The following RIMS2 variants were observed in gnomAD, a reference collection of about 807,000 sequenced individuals.
RIMS2 encodes regulating synaptic membrane exocytosis 2, also known as regulating synaptic membrane exocytosis protein 2.
RIMS2 carries 59 observed loss-of-function variants against 174.4 expected under a neutral mutation model. That is an observed-to-expected ratio of 0.34 (90% CI 0.27 to 0.42). RIMS2 has a LOEUF of 0.42. Among genes scored for constraint, RIMS2 ranks in the 10% least tolerant of loss-of-function variants. RIMS2 has a pLI of 1.00. For missense variants in RIMS2, 1,620 were observed against 1,666.3 expected (o/e 0.97, Z 0.48); for synonymous variants, 606 against 572.5 (o/e 1.06, Z -0.84).
intron 3 of RIMS2, among the ~76,000 whole-genome samples, chr8:103,851,597 A>G (rs1259305828): frequency 1.3e-5 from 2 of 151,294 alleles, no homozygotes; most frequent in African/African-American, 2.4e-5. Context: ...CTGCAGACCA[A>G]TTGTGTATGT....
At chr8:103,829,284 CTGT>C (rs2098811174) in intron 3 of RIMS2, among the ~76,000 whole-genome samples, 2 of 152,124 alleles carry the variant, frequency 1.3e-5, no homozygotes, top group Non-Finnish European at 2.9e-5. Flanking sequence ...TGTTTATACA[CTGT>C]TGTTGGGAAC....
chr8:104,208,613 A>G (rs974137098), intron 19 of RIMS2, among the ~76,000 whole-genome samples: 2 of 152,168 alleles, frequency 1.3e-5, no homozygotes, highest in Non-Finnish European at 2.9e-5. Context: ...TGTAAAGGGT[A>G]TCAGTATGAC....
At chr8:104,028,112 T>TTAGAGA (rs2096295562) in intron 19 of RIMS2, among the ~76,000 whole-genome samples, 1 of 151,004 alleles carries the variant, frequency 6.6e-6, no homozygotes, top group Admixed American at 6.6e-5. Flanking sequence ...AAAAGTTTTT[T>TTAGAGA]TAGAGATAGA....
intron 1 of RIMS2, among the ~76,000 whole-genome samples, chr8:103,670,468 C>T (rs183550182): frequency 1.1e-4 from 16 of 152,304 alleles, no homozygotes; most frequent in East Asian, 1.9e-4. Flanking sequence ...TCTTTTCAGT[C>T]GCATTGTCAG....
intron 3 of RIMS2, chr8:103,880,384 G>T: frequency 3.6e-6 from 1 of 275,822 alleles, no homozygotes; most frequent in Non-Finnish European, 6.7e-6. Context: ...ACTTGACCTG[G>T]AGCTATATAC....
chr8:104,202,667 A>C (rs1230140116), intron 19 of RIMS2, among the ~76,000 whole-genome samples: 1 of 152,184 alleles, frequency 6.6e-6, no homozygotes, highest in African/African-American at 2.4e-5. Flanking sequence ...GTTCCAGTCC[A>C]TCTCTGCTGT....
chr8:103,835,828 A>G (rs993206552), intron 3 of RIMS2, among the ~76,000 whole-genome samples: 2 of 152,226 alleles, frequency 1.3e-5, no homozygotes, highest in Admixed American at 1.3e-4. Context: ...TAATCACTGT[A>G]TTATCAGAGT....
chr8:103,917,996 G>C (rs2076935258), intron 8 of RIMS2, among the ~76,000 whole-genome samples: 1 of 152,026 alleles, frequency 6.6e-6, no homozygotes, highest in South Asian at 2.1e-4. Context: ...AAAATAAAAT[G>C]AGTTTTAATC....
chr8:103,766,378 A>G lies in RIMS2; in HGVS notation c.539A>G (p.Lys180Arg), dbSNP rs1158457540. The G allele has an allele frequency of 3.7e-6, 6 of 1,613,952 alleles. No individual in the cohort carries two copies. Among genetic ancestry groups the G allele is most frequent in the Non-Finnish European group, 4.2e-6 (5 of 1,179,878 alleles). Reference sequence around the variant, plus strand: ...AATGAGGAGGCACCTCAGGAGAAGAAACCAAAACTACATGAGCAGACCCAG... The same window carrying G: ...AATGAGGAGGCACCTCAGGAGAAGAGACCAAAACTACATGAGCAGACCCAG... Residue 180 changes from lysine to arginine, a missense_variant, in exon 3 of 24, where the codon AAA becomes AGA. Coordinates refer to ENST00000504942, the Ensembl canonical transcript of RIMS2.
At chr8:104,115,764 G>A (rs2098269167) in intron 19 of RIMS2, among the ~76,000 whole-genome samples, 1 of 152,158 alleles carries the variant, frequency 6.6e-6, no homozygotes, top group Non-Finnish European at 1.5e-5. Flanking sequence ...TGTTGGGAAT[G>A]GTGGTGAGCT....
At chr8:104,016,022 A>G (rs2095892782) in intron 19 of RIMS2, among the ~76,000 whole-genome samples, 1 of 152,082 alleles carries the variant, frequency 6.6e-6, no homozygotes, top group African/African-American at 2.4e-5. Context: ...ATCAAACACT[A>G]CATTATGACT....
intron 1 of RIMS2, among the ~76,000 whole-genome samples, chr8:103,603,257 T>C (rs1474205354): frequency 6.6e-6 from 1 of 151,364 alleles, no homozygotes; most frequent in Non-Finnish European, 1.5e-5. Flanking sequence ...GTTTGGTTTT[T>C]TGTTCTTGCG....
chr8:104,249,533 A>G lies in RIMS2; in HGVS notation c.3636A>G (p.Val1212=), dbSNP rs750285180. The G allele has an allele frequency of 1.9e-5, 30 of 1,612,792 alleles. No individual in the cohort carries two copies. The South Asian group carries it at 2.7e-4, about 15-fold the overall frequency. Residue 1212 remains valine (V), a synonymous_variant, in exon 22 of 24, where the codon GTA becomes GTG. Transcript: ENST00000504942. ...TGGACAAAAAGGGACAGCTGGAGGT[A>G]GAAATCATCCGGGCCCGTGGCCTTG...
chr8:103,637,062 TG>T (rs569969852), intron 1 of RIMS2, among the ~76,000 whole-genome samples: 16 of 152,288 alleles, frequency 1.1e-4, no homozygotes, highest in African/African-American at 3.8e-4. Flanking sequence ...AAAGGGCTAG[TG>T]GTGGGTCATT....
At chr8:103,664,918 C>T (rs1292643892) in intron 1 of RIMS2, among the ~76,000 whole-genome samples, 1 of 152,174 alleles carries the variant, frequency 6.6e-6, no homozygotes, top group East Asian at 1.9e-4. Context: ...AAATGTGGCA[C>T]ATATACACCA....
intron 3 of RIMS2, among the ~76,000 whole-genome samples, chr8:103,801,209 A>G (rs566971290): frequency 6.6e-6 from 1 of 151,990 alleles, no homozygotes; most frequent in East Asian, 1.9e-4. Flanking sequence ...CTGATCATGA[A>G]CTCCTGAGCT....
intron 2 of RIMS2, among the ~76,000 whole-genome samples, chr8:103,739,737 A>G (rs1448294763): frequency 6.6e-6 from 1 of 152,176 alleles, no homozygotes; most frequent in Non-Finnish European, 1.5e-5. Context: ...TATTGTAACA[A>G]TTATCTCTTT....
intron 16 of RIMS2, among the ~76,000 whole-genome samples, chr8:103,979,358 G>C (rs888976456): frequency 6.6e-6 from 1 of 152,044 alleles, no homozygotes; most frequent in Non-Finnish European, 1.5e-5. Flanking sequence ...AGGGAACCCT[G>C]GTACACTATT....
At chr8:103,568,500 T>C (rs1320632238) in intron 1 of RIMS2, 2 of 288,840 alleles carry the variant, frequency 6.9e-6, no homozygotes, top group East Asian at 1.5e-4. Flanking sequence ...GAATTCTTAA[T>C]GTTGTTGGAA....
Sources: gnomAD v4.1 joint callset for allele counts (sites outside exome capture counted in the v4.1 genomes callset) on GRCh38, gnomAD v4.1.1 for gene constraint, MANE v1.5 for transcripts, NCBI Gene and HGNC (gene_info 2026-07-23, HGNC 2026-07-21) for gene names.